NUP93: variants seen among roughly 807,000 people sequenced by gnomAD.
NUP93 encodes nuclear pore complex protein Nup93.
NUP93 carries 55 observed loss-of-function variants against 107.8 expected under a neutral mutation model. The observed-to-expected ratio is 0.51, with a 90% confidence interval of 0.41 to 0.64. The LOEUF is 0.64. Among genes scored for constraint, NUP93 ranks in the 30% least tolerant of loss-of-function variants. NUP93 has a pLI of 0.00. For synonymous variants in NUP93, 390 were observed against 397.5 expected (o/e 0.98, Z 0.22); for missense variants, 937 against 1,044.7 (o/e 0.90, Z 1.42).
chr16:56,761,457 T>A (rs1446213973), intron 3 of NUP93, among the ~76,000 whole-genome samples: 2 of 152,220 alleles, frequency 1.3e-5, no homozygotes, highest in Non-Finnish European at 2.9e-5. Context: ...TACTATTCGA[T>A]GGACTTTTTT....
chr16:56,748,286 T>C lies in NUP93; in HGVS notation c.39T>C (p.Ala13=), dbSNP rs766221161. The C allele has an allele frequency of 5.0e-6, 8 of 1,613,740 alleles. No homozygotes were observed. Among genetic ancestry groups the C allele is most frequent in the Admixed American group, 1.7e-5 (1 of 59,998 alleles). Reference sequence around the variant, plus strand: ...GGTTTGGTGAGCTCCTTCAGCAAGCTGAACAGCTTGCTGCTGAGACTGAGG... The same window carrying C: ...GGTTTGGTGAGCTCCTTCAGCAAGCCGAACAGCTTGCTGCTGAGACTGAGG... ...TEGFGELLQQ[A]EQLAAETEGI... Residue 13 remains alanine, a synonymous_variant, in exon 2 of 22, where the codon GCT becomes GCC. Coordinates refer to ENST00000308159, the MANE Select transcript of NUP93 (RefSeq NM_014669.5).
At chr16:56,764,237 TC>T (rs1726917149) in intron 3 of NUP93, among the ~76,000 whole-genome samples, 1 of 152,190 alleles carries the variant, frequency 6.6e-6, no homozygotes, top group South Asian at 2.1e-4. Context: ...ACACCTGTAA[TC>T]CCAGCACTTT....
intron 1 of NUP93, among the ~76,000 whole-genome samples, chr16:56,734,663 G>A (rs1405524102): frequency 6.6e-6 from 1 of 152,196 alleles, no homozygotes; most frequent in African/African-American, 2.4e-5. Context: ...CAGGATGATA[G>A]TGGTAGAAGA....
chr16:56,733,073 T>C (rs539768126), intron 1 of NUP93, among the ~76,000 whole-genome samples: 40 of 152,152 alleles, frequency 2.6e-4, no homozygotes, highest in African/African-American at 8.9e-4. Flanking sequence ...GTTGGGGATG[T>C]GTTATAGAGA....
intron 20 of NUP93, among the ~76,000 whole-genome samples, chr16:56,840,177 C>T (rs887988717): frequency 2.0e-5 from 3 of 152,138 alleles, no homozygotes; most frequent in African/African-American, 7.2e-5. Flanking sequence ...CCCGCCAACA[C>T]GCCCAGCTAA....
At chr16:56,826,413 G>T (rs1246374561) in intron 8 of NUP93, among the ~76,000 whole-genome samples, 2 of 151,332 alleles carry the variant, frequency 1.3e-5, no homozygotes, top group African/African-American at 4.9e-5. Context: ...CTACTTGGGA[G>T]ACTGAGACAG....
intron 10 of NUP93, 135 bp downstream of exon 10, chr16:56,830,820 C>A: frequency 1.4e-6 from 1 of 724,920 alleles, no homozygotes; most frequent in Non-Finnish European, 2.1e-6. Context: ...GTTTTGAAAG[C>A]AAATAGAACT....
intron 1 of NUP93, among the ~76,000 whole-genome samples, chr16:56,738,741 GTTTATGTA>G (rs1961651946): frequency 6.6e-6 from 1 of 152,132 alleles, no homozygotes; most frequent in South Asian, 2.1e-4. Context: ...CATCTAGCTA[GTTTATGTA>G]TTCAAAAGAG....
rs778314342 is a variant in NUP93 at position 56,850,281 on chromosome 16, A to C, written c.*5672A>C. On this transcript the variant is annotated 3_prime_UTR_variant, in exon 22 of 22. Coordinates refer to ENST00000308159, the MANE Select transcript of NUP93 (RefSeq NM_014669.5). ...TGTCTGTAGCCAGTAAATTTCTGGA[A>C]TATTCTCCCAGAGTGCCATGTGCCC... 2.6e-5 allele frequency: 4 copies of C among 152,238 alleles called. No individual in the cohort carries two copies. The highest frequency in any genetic ancestry group is 5.9e-5 in the Non-Finnish European group (4 of 68,094). 9.4% of individuals were successfully genotyped at this position (152,238 alleles called of 1,614,324 possible).
chr16:56,837,562 T>A (rs774418259), intron 17 of NUP93, 46 bp from the exon 18 acceptor site: 9 of 1,123,722 alleles, frequency 8.0e-6, no homozygotes, highest in Non-Finnish European at 1.1e-5. Flanking sequence ...GTTCCTTTTA[T>A]TGATTACTTT....
intron 5 of NUP93, among the ~76,000 whole-genome samples, chr16:56,810,261 AC>A (rs1294186579): frequency 6.6e-6 from 1 of 152,182 alleles, no homozygotes; most frequent in African/African-American, 2.4e-5. Context: ...CCGGAATCTT[AC>A]AGATTTTGTT....
At chr16:56,822,397 A>G (rs556160528) in intron 7 of NUP93, among the ~76,000 whole-genome samples, 68 of 151,080 alleles carry the variant, frequency 4.5e-4, no homozygotes, top group African/African-American at 1.7e-3. Flanking sequence ...CTGTAGTCCC[A>G]GCTACTCGAG....
chr16:56,734,956 C>T (rs1458551204), intron 1 of NUP93, among the ~76,000 whole-genome samples: 3 of 152,196 alleles, frequency 2.0e-5, no homozygotes, highest in African/African-American at 7.2e-5. Flanking sequence ...TGTTGCCCTG[C>T]TGAAAAACCT....
intron 3 of NUP93, among the ~76,000 whole-genome samples, chr16:56,792,040 A>C (rs148820526): frequency 1.3e-5 from 2 of 152,226 alleles, no homozygotes; most frequent in Non-Finnish European, 2.9e-5. Flanking sequence ...TGATTGGGCC[A>C]GATGTGGCAA....
At chr16:56,739,529 C>A (rs1439901288) in intron 1 of NUP93, among the ~76,000 whole-genome samples, 29 of 98,732 alleles carry the variant, frequency 2.9e-4, no homozygotes, top group Middle Eastern at 8.2e-3. Flanking sequence ...GGGGGCTGAC[C>A]CCCCCCCACC....
intron 1 of NUP93, among the ~76,000 whole-genome samples, chr16:56,732,190 T>C (rs1332804861): frequency 2.6e-5 from 4 of 152,254 alleles, no homozygotes; most frequent in Non-Finnish European, 5.9e-5. Flanking sequence ...TTAGCACTTA[T>C]ATTTCACGTA....
intron 3 of NUP93, among the ~76,000 whole-genome samples, chr16:56,785,112 T>C (rs948050053): frequency 1.3e-5 from 2 of 152,234 alleles, no homozygotes; most frequent in Non-Finnish European, 2.9e-5. Context: ...CCTTGGTTTT[T>C]ATGAGGCTTG....
intron 18 of NUP93, 44 bp from the exon 19 acceptor site, chr16:56,838,908 T>G (rs761951653): frequency 1.5e-6 from 2 of 1,349,566 alleles, no homozygotes; most frequent in African/African-American, 2.9e-5. Flanking sequence ...ACACAGAAAT[T>G]CCTGATACAC....
intron 12 of NUP93, 95 bp downstream of exon 12, chr16:56,832,483 T>C (rs1448914056): frequency 1.1e-6 from 1 of 912,266 alleles, no homozygotes; most frequent in Non-Finnish European, 1.8e-6. Flanking sequence ...CTCTGAACTT[T>C]TGTCTTTCTT....
Sources: allele counts gnomAD v4.1 joint callset (sites outside exome capture counted in the v4.1 genomes callset), GRCh38; gene constraint gnomAD v4.1.1; transcripts MANE v1.5; gene names NCBI Gene and HGNC (gene_info 2026-07-23, HGNC 2026-07-21).